FIGN: variants seen among roughly 807,000 people sequenced by gnomAD.
FIGN encodes fidgetin, microtubule severing factor.
FIGN carries 11 observed loss-of-function variants against 51.3 expected under a neutral mutation model. The ratio of observed to expected loss-of-function variants is 0.21; its 90% CI spans 0.13 to 0.35. The LOEUF is 0.35. Ranked by LOEUF, FIGN falls within the 10% of genes least tolerant of loss-of-function variation. The pLI is 1.00. For missense variants in FIGN, 857 were observed against 943.6 expected (o/e 0.91, Z 1.20); for synonymous variants, 407 against 363.2 (o/e 1.12, Z -1.37).
Position 163,611,516 on chromosome 2 carries a change from T to C in FIGN, c.316A>G (p.Ser106Gly). 6.2e-7 allele frequency: 1 copy of C among 1,614,202 alleles called. No individual in the cohort carries two copies. Among genetic ancestry groups the C allele is most frequent in the Non-Finnish European group, 8.5e-7 (1 of 1,180,026 alleles). Reference protein sequence around the residue: ...SGLVNGRKNESEPWQPSLNSE... With the variant: ...SGLVNGRKNEGEPWQPSLNSE... ...TTCAAGGAAGGCTGCCAGGGTTCACTTTCATTTTTCCGACCGTTCACTAGT... is the reference window on the plus strand; with the variant it reads ...TTCAAGGAAGGCTGCCAGGGTTCACCTTCATTTTTCCGACCGTTCACTAGT... The change falls in exon 3 of 3, where the codon AGT becomes GGT. Residue 106 changes from serine to glycine, a missense_variant. By Grantham distance (56) the Ser-to-Gly change is moderately conservative (BLOSUM62 0). This residue lies in a region of FIGN where 799 missense variants were observed against 849.5 expected (regional missense o/e 0.94). Coordinates refer to ENST00000333129, the MANE Select transcript of FIGN (RefSeq NM_018086.4).
chr2:163,643,090 T>TA (rs1219759887), intron 2 of FIGN, among the ~76,000 whole-genome samples: 3 of 152,198 alleles, frequency 2.0e-5, no homozygotes, highest in Admixed American at 2.0e-4. Context: ...CAATCTTATT[T>TA]AAAAAAAGCA....
intron 2 of FIGN, among the ~76,000 whole-genome samples, chr2:163,669,180 A>C (rs1352434508): frequency 6.6e-6 from 1 of 152,106 alleles, no homozygotes; most frequent in East Asian, 1.9e-4. Flanking sequence ...AAAAATCTAC[A>C]TAACTAATAA....
rs1558991139 is a variant in FIGN, at chr2:163,605,383, A to G, written c.*4169T>C. ...TGAATTCTGAAATACTAATAGCTCC[A>G]GGTTTGCTAATGTGCTTCATATAAA... is the stretch of plus-strand genomic sequence containing the variant. On this transcript the variant is annotated 3_prime_UTR_variant, in exon 3 of 3. Coordinates refer to ENST00000333129, the MANE Select transcript of FIGN (RefSeq NM_018086.4). 6.6e-6 allele frequency: 1 copy of G among 152,086 alleles called. No individual in the cohort carries two copies. Among genetic ancestry groups the G allele is most frequent in the Non-Finnish European group, 1.5e-5 (1 of 68,000 alleles). 9.4% of individuals were successfully genotyped at this position (152,086 alleles called of 1,614,324 possible). A position where few individuals can be genotyped will look rare whatever the true frequency, so the allele number is the denominator to read the frequency against.
intron 2 of FIGN, among the ~76,000 whole-genome samples, chr2:163,687,418 T>C (rs750195565): frequency 3.9e-5 from 6 of 152,196 alleles, no homozygotes; most frequent in Non-Finnish European, 8.8e-5. Flanking sequence ...TTTGACAATT[T>C]GAACAGAGTC....
chr2:163,622,406 C>A (rs1296567502), intron 2 of FIGN, among the ~76,000 whole-genome samples: 1 of 152,062 alleles, frequency 6.6e-6, no homozygotes, highest in South Asian at 2.1e-4. Flanking sequence ...GATGTTGTTA[C>A]TTCCAGATGG....
At chr2:163,719,002 A>G (rs891789289) in intron 2 of FIGN, among the ~76,000 whole-genome samples, 10 of 152,144 alleles carry the variant, frequency 6.6e-5, no homozygotes, top group African/African-American at 2.2e-4. Flanking sequence ...CAGCAGCTAT[A>G]TGAATAATCA....
intron 2 of FIGN, among the ~76,000 whole-genome samples, chr2:163,702,927 T>C (rs1472631070): frequency 6.6e-6 from 1 of 152,124 alleles, no homozygotes; most frequent in African/African-American, 2.4e-5. Flanking sequence ...CTTTCATGCC[T>C]TAATTTTATG....
chr2:163,643,932 C>CAAA (rs1162234909), intron 2 of FIGN, among the ~76,000 whole-genome samples: 193 of 19,076 alleles, frequency 0.01, 25 homozygotes, highest in African/African-American at 0.037. Flanking sequence ...AACTCTGTCT[C>CAAA]AAAAAAAAAA....
At chr2:163,722,766 T>G in intron 2 of FIGN, among the ~76,000 whole-genome samples, 1 of 152,078 alleles carries the variant, frequency 6.6e-6, no homozygotes, top group Non-Finnish European at 1.5e-5. Flanking sequence ...TTATAAAGTC[T>G]TTCTTTGGTA....
intron 2 of FIGN, among the ~76,000 whole-genome samples, chr2:163,629,214 AAG>A (rs1433372361): frequency 2.0e-5 from 3 of 152,216 alleles, no homozygotes; most frequent in African/African-American, 7.2e-5. Flanking sequence ...ACAGAGTACA[AAG>A]AGAAAAAATA....
At chr2:163,632,644 G>C (rs750007882) in intron 2 of FIGN, among the ~76,000 whole-genome samples, 7 of 152,178 alleles carry the variant, frequency 4.6e-5, no homozygotes, top group Non-Finnish European at 7.3e-5. Context: ...AGTTTGTTCA[G>C]AGGATTAAAT....
intron 2 of FIGN, among the ~76,000 whole-genome samples, chr2:163,630,098 A>T (rs1683122462): frequency 6.6e-6 from 1 of 151,162 alleles, no homozygotes; most frequent in Admixed American, 6.6e-5. Context: ...GTAGCCAGGA[A>T]TACAGACAGG....
chr2:163,664,253 T>G (rs1186337932), intron 2 of FIGN, among the ~76,000 whole-genome samples: 1 of 152,132 alleles, frequency 6.6e-6, no homozygotes, highest in Non-Finnish European at 1.5e-5. Flanking sequence ...CAGTTGAAGA[T>G]CGTTCTGTTG....
At chr2:163,641,078 C>T (rs77172610) in intron 2 of FIGN, among the ~76,000 whole-genome samples, 5,027 of 152,262 alleles carry the variant, frequency 0.033, 199 homozygotes, top group African/African-American at 0.089. Context: ...CTACGCTGGG[C>T]TTTACCCAGA....
intron 2 of FIGN, among the ~76,000 whole-genome samples, chr2:163,650,873 C>G (rs1161024185): frequency 6.6e-6 from 1 of 152,128 alleles, no homozygotes; most frequent in African/African-American, 2.4e-5. Flanking sequence ...GGTAGCTAAA[C>G]TGCCAGACAA....
chr2:163,649,690 A>T (rs559505260), intron 2 of FIGN, among the ~76,000 whole-genome samples: 1 of 152,314 alleles, frequency 6.6e-6, no homozygotes, highest in African/African-American at 2.4e-5. Context: ...AAATTATGAA[A>T]TGTTATTGTT....
chr2:163,634,404 T>C (rs960520140), intron 2 of FIGN, among the ~76,000 whole-genome samples: 3 of 152,158 alleles, frequency 2.0e-5, no homozygotes, highest in African/African-American at 7.2e-5. Flanking sequence ...GACTTTCTCA[T>C]ACTTTATATC....
chr2:163,683,855 T>G (rs542254573), intron 2 of FIGN, among the ~76,000 whole-genome samples: 2 of 152,194 alleles, frequency 1.3e-5, no homozygotes, highest in South Asian at 4.1e-4. Flanking sequence ...CTTCTGATGC[T>G]TTTATGGTCT....
chr2:163,610,976 G>C lies in FIGN; in HGVS notation c.856C>G (p.Pro286Ala). 1 of 1,613,554 alleles carries C rather than the reference G, an allele frequency of 6.2e-7. No individual in the cohort carries two copies. Among genetic ancestry groups the C allele is most frequent in the Non-Finnish European group, 8.5e-7 (1 of 1,179,850 alleles). Residue 286 changes from proline (P) to alanine (A), a missense_variant, in exon 3 of 3, where the codon CCC (proline) becomes GCC (alanine). Physicochemically the swap from Pro to Ala is conservative, Grantham distance 27 (BLOSUM62 -1). This residue lies in a region of FIGN where 799 missense variants were observed against 849.5 expected (regional missense o/e 0.94). Coordinates refer to ENST00000333129, the MANE Select transcript of FIGN (RefSeq NM_018086.4). ...GTGTAGCCAGGAACAGTGGTGGGGG[G>C]TAGGGGGGTGGGAGCAGGAATTCCT... ...PSGIPAPTPL[P>A]PTTVPGYTYQ...
Sources: allele counts gnomAD v4.1 joint callset (sites outside exome capture counted in the v4.1 genomes callset), GRCh38; gene constraint gnomAD v4.1.1; regional missense constraint gnomAD v4.1.1; transcripts MANE v1.5; gene names NCBI Gene and HGNC (gene_info 2026-07-23, HGNC 2026-07-21).